SLC44A5: variants seen among roughly 807,000 people sequenced by gnomAD.
SLC44A5 encodes the protein choline transporter-like protein 5.
Under a neutral mutation model 101.8 loss-of-function variants are expected in SLC44A5, and 57 were observed. That is an observed-to-expected ratio of 0.56 (90% confidence interval 0.45 to 0.70). The LOEUF (loss-of-function observed/expected upper bound fraction) is 0.70, where lower values mean the gene tolerates loss of function less well. SLC44A5 is among the 30% of genes least tolerant of loss of function. The pLI is 0.00. For synonymous variants in SLC44A5, 281 were observed against 290.9 expected (o/e 0.97, Z 0.35); for missense variants, 737 against 853.1 (o/e 0.86, Z 1.70).
At chr1:75,542,124 A>G (rs908665554) in intron 1 of SLC44A5, among the ~76,000 whole-genome samples, 1 of 151,998 alleles carries the variant, frequency 6.6e-6, no homozygotes, top group African/African-American at 2.4e-5. Flanking sequence ...AAATTTTGGT[A>G]TTTTTCCTTG....
chr1:75,656,310 T>C, the SLC44A5 span, among the ~76,000 whole-genome samples: 1 of 152,164 alleles, frequency 6.6e-6, no homozygotes, highest in Admixed American at 6.6e-5. Flanking sequence ...CAAGAAATAA[T>C]CTGAAGGCAT....
intron 3 of SLC44A5, among the ~76,000 whole-genome samples, chr1:75,347,899 G>C (rs1238551620): frequency 6.6e-6 from 1 of 152,118 alleles, no homozygotes; most frequent in Non-Finnish European, 1.5e-5. Flanking sequence ...TTTGTAAAGA[G>C]ACTGAACATA....
chr1:75,347,253 T>C (rs570661064), intron 3 of SLC44A5, among the ~76,000 whole-genome samples: 27 of 152,190 alleles, frequency 1.8e-4, no homozygotes, highest in African/African-American at 6.3e-4. Context: ...AGGTTATTGA[T>C]GAGAATAAAA....
the SLC44A5 span, among the ~76,000 whole-genome samples, chr1:75,682,340 C>A: frequency 3.9e-5 from 6 of 152,142 alleles, no homozygotes; most frequent in Admixed American, 6.5e-5. Flanking sequence ...CATCACACTA[C>A]CTGACTTCAA....
the SLC44A5 span, chr1:75,642,156 T>A: frequency 1.3e-6 from 1 of 762,544 alleles, no homozygotes; most frequent in Non-Finnish European, 2.1e-6. Flanking sequence ...ATAAATAGCA[T>A]CAGAAGAAAG....
chr1:75,223,682 A>G (rs1433659491), intron 13 of SLC44A5, among the ~76,000 whole-genome samples: 2 of 152,280 alleles, frequency 1.3e-5, no homozygotes, highest in Admixed American at 6.5e-5. Context: ...ATTTCATTCT[A>G]TTATTATATC....
chr1:75,443,161 C>A (rs1665304493), intron 2 of SLC44A5, among the ~76,000 whole-genome samples: 1 of 151,950 alleles, frequency 6.6e-6, no homozygotes. Context: ...ATGGTTTAAG[C>A]TAAACCTGTA....
At chr1:75,318,099 G>T (rs1396608605) in intron 4 of SLC44A5, among the ~76,000 whole-genome samples, 2 of 152,132 alleles carry the variant, frequency 1.3e-5, no homozygotes, top group Non-Finnish European at 2.9e-5. Context: ...CTATAGGGCT[G>T]AGCTCAGTGG....
chr1:75,548,745 T>C (rs1449581914), intron 1 of SLC44A5, among the ~76,000 whole-genome samples: 1 of 152,162 alleles, frequency 6.6e-6, no homozygotes, highest in Non-Finnish European at 1.5e-5. Context: ...TTTTCATAGC[T>C]GGAAAGGACC....
At chr1:75,702,752 T>C in the SLC44A5 span, among the ~76,000 whole-genome samples, 27 of 152,120 alleles carry the variant, frequency 1.8e-4, no homozygotes, top group African/African-American at 6.0e-4. Context: ...ATTTTTGCAA[T>C]CTACTCATCT....
chr1:75,645,674 T>C, the SLC44A5 span, among the ~76,000 whole-genome samples: 3 of 148,654 alleles, frequency 2.0e-5, no homozygotes, highest in African/African-American at 7.3e-5. Context: ...GCCATTGCTG[T>C]TGGTGTTTTA....
At chr1:75,256,526 A>T (rs1005749700) in intron 6 of SLC44A5, among the ~76,000 whole-genome samples, 3 of 152,194 alleles carry the variant, frequency 2.0e-5, no homozygotes, top group African/African-American at 7.2e-5. Context: ...CAGTGAATAC[A>T]GTTTGTAGAG....
intron 3 of SLC44A5, among the ~76,000 whole-genome samples, chr1:75,368,774 G>A (rs1660032824): frequency 6.6e-6 from 1 of 152,068 alleles, no homozygotes; most frequent in Non-Finnish European, 1.5e-5. Flanking sequence ...CCTTCATGAT[G>A]CATACGCAAC....
chr1:75,247,213 T>A (rs535535296), intron 7 of SLC44A5, among the ~76,000 whole-genome samples: 99 of 151,994 alleles, frequency 6.5e-4, no homozygotes, highest in African/African-American at 2.4e-3. Context: ...TGGCTCAGGG[T>A]ACATTTTGGA....
chr1:75,262,197 T>C (rs1650574886), intron 6 of SLC44A5, among the ~76,000 whole-genome samples: 1 of 152,170 alleles, frequency 6.6e-6, no homozygotes, highest in African/African-American at 2.4e-5. Flanking sequence ...AGTCAAATTG[T>C]CTCTGTTTGC....
chr1:75,670,655 G>A, the SLC44A5 span, among the ~76,000 whole-genome samples: 1 of 152,138 alleles, frequency 6.6e-6, no homozygotes. Context: ...ATATATAGGA[G>A]AAAATACAGA....
chr1:75,412,090 G>A (rs555552364), intron 2 of SLC44A5, among the ~76,000 whole-genome samples: 1 of 152,154 alleles, frequency 6.6e-6, no homozygotes, highest in South Asian at 2.1e-4. Flanking sequence ...GAAAAAACAG[G>A]AAGAAAATAT....
chr1:75,457,886 A>G (rs1666276514), intron 2 of SLC44A5, among the ~76,000 whole-genome samples: 1 of 152,150 alleles, frequency 6.6e-6, no homozygotes, highest in Non-Finnish European at 1.5e-5. Context: ...CTGAGGTGGA[A>G]CAACGGAGGG....
At chr1:75,236,260 A>G (rs779878902) in intron 11 of SLC44A5, among the ~76,000 whole-genome samples, 16 of 151,964 alleles carry the variant, frequency 1.1e-4, no homozygotes, top group Non-Finnish European at 2.4e-4. Flanking sequence ...GTAACTGAAA[A>G]AGTTTTAATT....
Sources: allele counts gnomAD v4.1 joint callset (sites outside exome capture counted in the v4.1 genomes callset), GRCh38; gene constraint gnomAD v4.1.1; transcripts MANE v1.5; gene names NCBI Gene and HGNC (gene_info 2026-07-23, HGNC 2026-07-21).